MAP2K2: variants seen among roughly 807,000 people sequenced by gnomAD.
MAP2K2 encodes dual specificity mitogen-activated protein kinase kinase 2.
Under a neutral mutation model 43.7 loss-of-function variants are expected in MAP2K2, and 24 were observed. The observed-to-expected ratio is 0.55, with a 90% CI of 0.40 to 0.77. The LOEUF is 0.77. Among genes scored for constraint, MAP2K2 ranks in the 30% least tolerant of loss-of-function variants. The pLI, the probability that MAP2K2 is intolerant of heterozygous loss-of-function variation, is 0.00. For missense variants in MAP2K2, 470 were observed against 566.8 expected (o/e 0.83, Z 1.73); for synonymous variants, 244 against 239.7 (o/e 1.02, Z -0.17).
rs2041009351 is a variant in MAP2K2, at chr19:4,101,404, G to A, written c.529-124C>T. 49 of 1,094,476 alleles carry A rather than the reference G, an allele frequency of 4.5e-5. No homozygotes were observed. In the South Asian group the frequency reaches 6.5e-4, roughly 15 times the overall value. 67.8% of individuals were successfully genotyped at this position (1,094,476 alleles called of 1,614,324 possible). A position where few individuals can be genotyped will look rare whatever the true frequency, so the allele number is the denominator to read the frequency against. On this transcript the variant is annotated intron_variant, in intron 4 of 10. Coordinates refer to ENST00000262948, the MANE Select transcript of MAP2K2 (RefSeq NM_030662.4). The surrounding 1 kb of genome is among the most constrained non-coding windows in gnomAD (Gnocchi z 6.3). ...GGGAGCTGCGGCAGGAACCATTTCA[G>A]GCTGTGAGGAGCTCGCTGGGGTGGA...
intron 7 of MAP2K2, among the ~76,000 whole-genome samples, chr19:4,097,765 G>A (rs536275452): frequency 3.9e-5 from 6 of 152,160 alleles, no homozygotes; most frequent in African/African-American, 1.2e-4. Flanking sequence ...CACTCAGGAC[G>A]GGAGACTGGC....
In MAP2K2 at chr19:4,095,424, A is replaced by C. The variant is rs1232245814; in HGVS notation, c.1010T>G (p.Val337Gly). 1.0e-5 allele frequency: 16 copies of C among 1,551,220 alleles called. No homozygotes were observed. Among genetic ancestry groups the C allele is most frequent in the Non-Finnish European group, 1.1e-5 (13 of 1,146,886 alleles). Reference protein sequence around the residue: ...NEPPPKLPNGVFTPDFQEFVN... With the variant: ...NEPPPKLPNGGFTPDFQEFVN... ...AAACTCCTGGAAGTCGGGGGTGAAC[A>C]CACCGTTGGGCAGCTTAGGAGGTGG... The change falls in exon 9 of 11, where the codon GTG (valine) becomes GGG (glycine). Residue 337 changes from valine (V) to glycine (G), a missense_variant. Physicochemically the swap from Val to Gly is moderately radical, Grantham distance 109. This residue lies in a region of MAP2K2 where 212 missense variants were observed against 220.8 expected (regional missense o/e 0.96). Coordinates refer to ENST00000262948, the MANE Select transcript of MAP2K2 (RefSeq NM_030662.4).
intron 3 of MAP2K2, among the ~76,000 whole-genome samples, chr19:4,107,148 C>T (rs946423478): frequency 1.3e-5 from 2 of 152,204 alleles, no homozygotes; most frequent in African/African-American, 4.8e-5. Flanking sequence ...GTAATCCCAG[C>T]ACTTTGGGAG....
intron 2 of MAP2K2, among the ~76,000 whole-genome samples, chr19:4,114,388 T>C (rs1384212167): frequency 1.3e-5 from 2 of 152,182 alleles, no homozygotes; most frequent in East Asian, 3.9e-4. Flanking sequence ...AGACAGCAGC[T>C]GGTACTGTGA....
intron 10 of MAP2K2, among the ~76,000 whole-genome samples, chr19:4,092,398 G>A (rs1009102176): frequency 1.3e-5 from 2 of 152,094 alleles, no homozygotes; most frequent in Non-Finnish European, 2.9e-5. Context: ...AGACTGGCCT[G>A]GTCAACATGG....
intron 1 of MAP2K2, among the ~76,000 whole-genome samples, chr19:4,119,950 G>A (rs796621649): frequency 5.9e-5 from 9 of 152,274 alleles, no homozygotes; most frequent in Non-Finnish European, 4.4e-5. Context: ...GGCCAGAACC[G>A]AGGCGATGGC....
chr19:4,114,066 G>A (rs905572261), intron 2 of MAP2K2, among the ~76,000 whole-genome samples: 2 of 152,204 alleles, frequency 1.3e-5, no homozygotes, highest in South Asian at 2.1e-4. Context: ...GCTGAGGCGG[G>A]AGGATCGCTT....
intron 3 of MAP2K2, among the ~76,000 whole-genome samples, chr19:4,107,457 G>A (rs1358506942): frequency 1.3e-5 from 2 of 149,838 alleles, no homozygotes; most frequent in Non-Finnish European, 3.0e-5. Context: ...CTGGGAGGTG[G>A]AGCTTGCAGT....
intron 1 of MAP2K2, among the ~76,000 whole-genome samples, chr19:4,121,132 C>T (rs2041287376): frequency 6.6e-6 from 1 of 151,820 alleles, no homozygotes; most frequent in African/African-American, 2.4e-5. Flanking sequence ...CCAGTGTGTG[C>T]CCCCAACACC....
In MAP2K2 at chr19:4,097,282, G is replaced by A. The variant is rs143275018; in HGVS notation, c.981C>T (p.Asn327=). 2.1e-4 allele frequency: 340 copies of A among 1,608,744 alleles called. No homozygotes were observed. The highest frequency in any genetic ancestry group is 2.6e-4 in the Non-Finnish European group (303 of 1,177,408). ...CCAAAAGGCATCAAGCACAAACCTC[G>A]TTCACAATATAGTCCAGGAGTTCAA... ...AIFELLDYIV[N]EPPPKLPNGV... is the part of the protein sequence containing the mutation. Residue 327 remains asparagine, a synonymous_variant, in exon 8 of 11, where the codon AAC becomes AAT. Transcript: ENST00000262948.
At position 4,109,414 on chromosome 19, in the gene MAP2K2, T is replaced by C. The variant is rs190422015; in HGVS notation, c.450+1095A>G. 4.1e-3 allele frequency among the ~76,000 whole-genome samples: 617 copies of C among 152,302 alleles called. 2 individuals are homozygous for C. Among genetic ancestry groups the C allele is most frequent in the African/African-American group, 0.014 (583 of 41,560 alleles). ...ACAAGCTCAGACTGCCACACTTTCC[T>C]GAGAAGGCCATTTAAAAACAGTCAT... is the stretch of plus-strand genomic sequence containing the variant. On this transcript the variant is annotated intron_variant, in intron 3 of 10. Transcript: ENST00000262948.
intron 9 of MAP2K2, chr19:4,094,828 G>A (rs41276852): frequency 0.012 from 5,340 of 444,710 alleles, 45 homozygotes; most frequent in Middle Eastern, 0.034. Context: ...CAACATCGCC[G>A]GAGCGCACGC....
Position 4,102,994 on chromosome 19 carries a change from G to A in MAP2K2, c.451-541C>T, listed in dbSNP as rs941961453. 5 of 1,070,492 alleles carry A rather than the reference G, an allele frequency of 4.7e-6. No individual in the cohort carries two copies. In the African/African-American group the frequency reaches 5.1e-5, roughly 11 times the overall value. The allele number at this position is 1,070,492 out of a possible 1,614,324, so 66.3% of individuals were successfully genotyped here. The stretch of plus-strand genomic sequence containing the variant: ...CTGTGTGCCCGTCCAGACCCCCAGG[G>A]GGCTCCCTCGCCAAGCCCTGCGGCT... On this transcript the variant is annotated intron_variant, in intron 3 of 10. Transcript: ENST00000262948.
Position 4,096,225 on chromosome 19 carries a change from C to T in MAP2K2, c.985-776G>A, listed in dbSNP as rs1015886483. Among the ~76,000 whole-genome samples the T allele has an allele frequency of 1.3e-5, 2 of 152,108 alleles. 1 individual carries two copies. The highest frequency in any genetic ancestry group is 4.1e-4 in the South Asian group (2 of 4,836). On this transcript the variant is annotated intron_variant, in intron 8 of 10. Coordinates refer to ENST00000262948, the MANE Select transcript of MAP2K2 (RefSeq NM_030662.4). ...GGGCGGGAAGAGGCGGGGGAGAGGT[C>T]GGGGGATGTGCTCACTGGGCATGGG... is the stretch of plus-strand genomic sequence containing the variant.
At chr19:4,117,324 G>GA in intron 2 of MAP2K2, 95 bp downstream of exon 2, 1 of 1,166,240 alleles carries the variant, frequency 8.6e-7, no homozygotes. Context: ...GAGCTAATCA[G>GA]AATGCAGAGA....
At chr19:4,117,849 T>C (rs1476218804) in intron 1 of MAP2K2, among the ~76,000 whole-genome samples, 1 of 152,200 alleles carries the variant, frequency 6.6e-6, no homozygotes, top group Non-Finnish European at 1.5e-5. Context: ...GACGCTGCCT[T>C]GATCCTGTCT....
chr19:4,092,378 C>G (rs1282833768), intron 10 of MAP2K2, among the ~76,000 whole-genome samples: 1 of 152,150 alleles, frequency 6.6e-6, no homozygotes, highest in Non-Finnish European at 1.5e-5. Flanking sequence ...GTGGGTGGAT[C>G]ACAAGTTCGA....
intron 9 of MAP2K2, 179 bp downstream of exon 9, chr19:4,095,209 G>T: frequency 1.7e-6 from 1 of 598,726 alleles, no homozygotes; most frequent in Non-Finnish European, 3.0e-6. Flanking sequence ...CATGGCAGCC[G>T]GGAGCTGCAG....
At chr19:4,105,388 C>T (rs910960251) in intron 3 of MAP2K2, among the ~76,000 whole-genome samples, 1 of 151,980 alleles carries the variant, frequency 6.6e-6, no homozygotes, top group South Asian at 2.1e-4. Context: ...CCTGCCTCAG[C>T]CTCCTGAGTA....
Sources: allele counts gnomAD v4.1 joint callset (sites outside exome capture counted in the v4.1 genomes callset), GRCh38; gene constraint gnomAD v4.1.1; regional missense constraint gnomAD v4.1.1; non-coding constraint Gnocchi (gnomAD v3.1); transcripts MANE v1.5; gene names NCBI Gene and HGNC (gene_info 2026-07-23, HGNC 2026-07-21).